The following MDH1B variants were observed in gnomAD, a reference collection of about 807,000 sequenced individuals.
MDH1B encodes the protein putative malate dehydrogenase 1B.
Under a neutral mutation model 61.4 loss-of-function variants are expected in MDH1B, and 60 were observed. The observed-to-expected ratio is 0.98, with a 90% CI of 0.79 to 1.21. MDH1B has a LOEUF of 1.21. MDH1B is among the 50% of genes most tolerant of loss of function. MDH1B has a pLI of 0.00. For missense variants in MDH1B, 587 were observed against 632.1 expected, an observed-to-expected ratio of 0.93 and a Z score of 0.76; for synonymous variants, 236 against 218.7, an observed-to-expected ratio of 1.08 and a Z score of -0.70.
intron 11 of MDH1B, 53 bp from the exon 12 acceptor site, chr2:206,738,564 G>A: frequency 7.6e-7 from 1 of 1,324,076 alleles, no homozygotes; most frequent in Admixed American, 2.0e-5. Context: ...TATGTTAGTA[G>A]CATATGTTAT....
At chr2:206,738,757 C>T (rs1054685657) in intron 11 of MDH1B, among the ~76,000 whole-genome samples, 4 of 152,120 alleles carry the variant, frequency 2.6e-5, no homozygotes, top group African/African-American at 9.7e-5. Flanking sequence ...TCTCCTGTCA[C>T]CTTGCTTTTC....
intron 5 of MDH1B, among the ~76,000 whole-genome samples, chr2:206,752,859 A>C (rs1349802957): frequency 6.7e-6 from 1 of 148,644 alleles, no homozygotes; most frequent in African/African-American, 2.5e-5. Flanking sequence ...CTCCAGTGTC[A>C]GTCCCTATCT....
chr2:206,765,298 C>G lies in MDH1B; in HGVS notation c.-27G>C. 6.3e-7 allele frequency: 1 copy of G among 1,584,224 alleles called. No homozygotes were observed. Among genetic ancestry groups the G allele is most frequent in the Non-Finnish European group, 8.5e-7 (1 of 1,169,642 alleles). ...GTCGAGAGAGACTCAGAGGCAGGGA[C>G]CGCGGCTTCGCGGTTTCCTGGCAAC... On this transcript the variant is annotated 5_prime_UTR_variant, in exon 1 of 12. Coordinates refer to ENST00000374412, the MANE Select transcript of MDH1B (RefSeq NM_001039845.3).
intron 1 of MDH1B, among the ~76,000 whole-genome samples, chr2:206,763,739 CA>C (rs1689245003): frequency 1.3e-5 from 2 of 152,154 alleles, no homozygotes; most frequent in Non-Finnish European, 2.9e-5. Context: ...TCTCAATTGT[CA>C]CCAAACTAGT....
chr2:206,753,972 T>C (rs914306786), intron 5 of MDH1B, among the ~76,000 whole-genome samples: 9 of 150,968 alleles, frequency 6.0e-5, no homozygotes, highest in African/African-American at 2.2e-4. Flanking sequence ...TGTCTACACA[T>C]ATAATTATAA....
At position 206,747,790 on chromosome 2, in the gene MDH1B, G is replaced by A. The variant is rs10200517; in HGVS notation, c.1216+1230C>T. On this transcript the variant is annotated intron_variant, in intron 7 of 11. Transcript: ENST00000374412. ...GGAGATTTCCTTAACCTGTACTGGC[G>A]TCACTGAAACAATAGGGAAGATGGT... is the stretch of plus-strand genomic sequence containing the variant. Among the ~76,000 whole-genome samples, 537 of 152,200 alleles carry A rather than the reference G, an allele frequency of 3.5e-3. 6 individuals are homozygous for A. Among genetic ancestry groups the A allele is most frequent in the African/African-American group, 0.012 (513 of 41,502 alleles).
At chr2:206,758,563 C>T (rs13390297) in intron 2 of MDH1B, among the ~76,000 whole-genome samples, 2,292 of 152,006 alleles carry the variant, frequency 0.015, 59 homozygotes, top group African/African-American at 0.052. Flanking sequence ...GTCAAGAGTT[C>T]GAGACAAGCC....
chr2:206,758,185 A>G (rs866962976), intron 2 of MDH1B, among the ~76,000 whole-genome samples: 1 of 152,210 alleles, frequency 6.6e-6, no homozygotes, highest in Non-Finnish European at 1.5e-5. Flanking sequence ...CATTACCCCA[A>G]AAAACCTTCT....
chr2:206,758,985 T>C (rs1688935330), intron 2 of MDH1B, among the ~76,000 whole-genome samples: 3 of 151,354 alleles, frequency 2.0e-5, no homozygotes, highest in African/African-American at 7.3e-5. Flanking sequence ...TTTCTTTATT[T>C]AAACTTCTAT....
At chr2:206,752,269 G>A (rs983673685) in intron 5 of MDH1B, among the ~76,000 whole-genome samples, 2 of 152,054 alleles carry the variant, frequency 1.3e-5, no homozygotes, top group Non-Finnish European at 2.9e-5. Context: ...TTCTTCCCAG[G>A]GGACCCCAAA....
chr2:206,741,426 G>C (rs1172029669), intron 9 of MDH1B: 1 of 356,850 alleles, frequency 2.8e-6, no homozygotes, highest in Admixed American at 3.8e-5. Flanking sequence ...GAGTCAGTGG[G>C]CTGGGGAAGA....
intron 7 of MDH1B, among the ~76,000 whole-genome samples, chr2:206,748,074 C>T (rs1688217209): frequency 6.6e-6 from 1 of 152,136 alleles, no homozygotes; most frequent in African/African-American, 2.4e-5. Context: ...ATTCTCTTTC[C>T]TGTTTTGTAA....
chr2:206,752,792 CTTT>C (rs35837110), intron 5 of MDH1B, among the ~76,000 whole-genome samples: 288 of 140,794 alleles, frequency 2.0e-3, no homozygotes, highest in African/African-American at 6.7e-3. Context: ...TCCCCTCCTC[CTTT>C]TTTTTTTTTT....
At chr2:206,741,664 T>A (rs368681042) in intron 9 of MDH1B, among the ~76,000 whole-genome samples, 7 of 152,312 alleles carry the variant, frequency 4.6e-5, no homozygotes, top group African/African-American at 1.4e-4. Flanking sequence ...TGGGACCCTG[T>A]GATTGTGTAA....
At chr2:206,752,611 G>A (rs1193856227) in intron 5 of MDH1B, among the ~76,000 whole-genome samples, 1 of 152,040 alleles carries the variant, frequency 6.6e-6, no homozygotes, top group South Asian at 2.1e-4. Flanking sequence ...ATAATTCTTG[G>A]GCCAGGTAAG....
At chr2:206,747,127 C>T (rs1448174811) in intron 7 of MDH1B, among the ~76,000 whole-genome samples, 1 of 148,126 alleles carries the variant, frequency 6.8e-6, no homozygotes, top group Non-Finnish European at 1.5e-5. Context: ...TTATTTCTGC[C>T]ATACTAGACA....
Position 206,738,332 on chromosome 2 carries a change from C to T in MDH1B, c.*151G>A, listed in dbSNP as rs80108982. 40 of 494,114 alleles carry T rather than the reference C, an allele frequency of 8.1e-5. No individual in the cohort carries two copies. In the East Asian group the frequency reaches 1.2e-3, roughly 15 times the overall value. 30.6% of individuals were successfully genotyped at this position (494,114 alleles called of 1,614,324 possible). A position where few individuals can be genotyped will look rare whatever the true frequency, so the allele number is the denominator to read the frequency against. ...AAATGACGGAACTCTGACCTCTGTG[C>T]TGTCACAGTGATTTAATTGCCTTGC... is the stretch of plus-strand genomic sequence containing the variant. On this transcript the variant is annotated 3_prime_UTR_variant, in exon 12 of 12. Transcript: ENST00000374412.
At chr2:206,748,890 A>G (rs1688273540) in intron 7 of MDH1B, 130 bp downstream of exon 7, 3 of 693,028 alleles carry the variant, frequency 4.3e-6, no homozygotes, top group Non-Finnish European at 4.7e-6. Flanking sequence ...ATGAATGAGT[A>G]TGAAATTGTA....
intron 9 of MDH1B, 125 bp downstream of exon 9, chr2:206,745,497 G>T: frequency 1.4e-6 from 1 of 738,962 alleles, no homozygotes; most frequent in Non-Finnish European, 2.3e-6. Context: ...AGTTTATTTT[G>T]TCATTAGTTT....
Sources: allele counts gnomAD v4.1 joint callset (sites outside exome capture counted in the v4.1 genomes callset), GRCh38; gene constraint gnomAD v4.1.1; transcripts MANE v1.5; gene names NCBI Gene and HGNC (gene_info 2026-07-23, HGNC 2026-07-21).